FAM216A: variants seen among roughly 807,000 people sequenced by gnomAD.
The protein encoded by FAM216A is protein FAM216A.
FAM216A carries 26 observed loss-of-function variants against 37.6 expected under a neutral mutation model. The ratio of observed to expected loss-of-function variants is 0.69; its 90% CI spans 0.51 to 0.96. The LOEUF is 0.96. Among genes scored for constraint, FAM216A ranks in the 40% least tolerant of loss-of-function variants. FAM216A has a pLI of 0.00. For missense variants in FAM216A, 326 were observed against 339.3 expected (o/e 0.96, Z 0.31); for synonymous variants, 110 against 121.7 (o/e 0.90, Z 0.64).
In FAM216A at chr12:110,468,848, C is replaced by A; in HGVS notation, c.-28C>A. ...GCCGCCTCTCCGGAATACCAGCAGC[C>A]TGACGCACGCGTGCTGTCGGGGGAG... On this transcript the variant is annotated 5_prime_UTR_variant, in exon 1 of 7. The change creates a new upstream start codon in the 5' untranslated region. Coordinates refer to ENST00000377673, the MANE Select transcript of FAM216A (RefSeq NM_013300.3). 1.3e-6 allele frequency: 2 copies of A among 1,481,480 alleles called. No homozygotes were observed. Among genetic ancestry groups the A allele is most frequent in the Non-Finnish European group, 1.8e-6 (2 of 1,114,782 alleles). 91.8% of individuals were successfully genotyped at this position (1,481,480 alleles called of 1,614,324 possible).
chr12:110,479,353 T>G (rs1048759875), intron 2 of FAM216A, among the ~76,000 whole-genome samples: 2 of 152,018 alleles, frequency 1.3e-5, no homozygotes, highest in Non-Finnish European at 2.9e-5. Flanking sequence ...ATTTCAATAT[T>G]TCTACTAACT....
At chr12:110,469,075 C>G (rs7963504) in intron 1 of FAM216A, 57 bp downstream of exon 1, 69 of 1,372,210 alleles carry the variant, frequency 5.0e-5, no homozygotes, top group Admixed American at 6.8e-5. Context: ...GGTCGTGAGG[C>G]CCCCGGGTCG....
upstream of FAM216A, chr12:110,468,566 C>T (rs1217722335): frequency 6.5e-7 from 1 of 1,537,272 alleles, no homozygotes; most frequent in Non-Finnish European, 8.7e-7. Flanking sequence ...GTATGGTGAC[C>T]CTCGCGATTT....
Position 110,485,188 on chromosome 12 carries a change from T to C in FAM216A, c.295T>C (p.Ser99Pro). ...CCTCTCTAAATCAATGATGGAGGCG[T>C]CCTTTTTCAAGGTATGCTAACAGGG... ...IHLSKSMMEA[S>P]FFKHPDLTTG... The change falls in exon 3 of 7, where the codon TCC (serine) becomes CCC (proline). Residue 99 changes from serine to proline, a missense_variant. Physicochemically the swap from Ser to Pro is moderately conservative, Grantham distance 74. Transcript: ENST00000377673. 6.2e-7 allele frequency: 1 copy of C among 1,608,054 alleles called. No individual in the cohort carries two copies. The highest frequency in any genetic ancestry group is 2.2e-5 in the East Asian group (1 of 44,760).
intron 2 of FAM216A, among the ~76,000 whole-genome samples, chr12:110,477,919 A>G (rs1592977883): frequency 2.0e-5 from 3 of 149,254 alleles, no homozygotes; most frequent in East Asian, 2.0e-4. Flanking sequence ...ATGTTAGCCA[A>G]GATGGTCTCA....
chr12:110,469,074 G>A, intron 1 of FAM216A, 56 bp downstream of exon 1: 1 of 1,378,458 alleles, frequency 7.3e-7, no homozygotes, highest in Non-Finnish European at 9.3e-7. Flanking sequence ...GGGTCGTGAG[G>A]CCCCCGGGTC....
At chr12:110,469,159 G>A (rs2062662653) in intron 1 of FAM216A, 141 bp downstream of exon 1, 1 of 1,026,954 alleles carries the variant, frequency 9.7e-7, no homozygotes, top group Non-Finnish European at 1.3e-6. Context: ...AGTGAGAGGC[G>A]GGGAGCAGTT....
rs779196322 is a variant in FAM216A at position 110,490,141 on chromosome 12, T to C, written c.*4T>C. ...AGAACATCTGATGTTAACTTGACAG[T>C]CTTGTCTCGTGTATTGAATTCGTGC... On this transcript the variant is annotated 3_prime_UTR_variant, in exon 7 of 7. Transcript: ENST00000377673. The C allele has an allele frequency of 1.4e-6, 2 of 1,391,998 alleles. No individual in the cohort carries two copies. Among genetic ancestry groups the C allele is most frequent in the East Asian group, 2.3e-5 (1 of 43,928 alleles). The allele number at this position is 1,391,998 out of a possible 1,614,324, so 86.2% of individuals were successfully genotyped here. A position where few individuals can be genotyped will look rare whatever the true frequency, so the allele number is the denominator to read the frequency against.
chr12:110,489,731 G>A (rs2062800974), intron 6 of FAM216A, among the ~76,000 whole-genome samples: 1 of 152,176 alleles, frequency 6.6e-6, no homozygotes, highest in South Asian at 2.1e-4. Flanking sequence ...AGATTCTGAA[G>A]ATGTAACTGA....
intron 2 of FAM216A, among the ~76,000 whole-genome samples, chr12:110,480,418 T>C (rs949699762): frequency 5.3e-5 from 8 of 151,936 alleles, no homozygotes; most frequent in African/African-American, 1.9e-4. Context: ...TTAGCCAGGA[T>C]GGTCTCGATC....
intron 2 of FAM216A, among the ~76,000 whole-genome samples, chr12:110,484,446 A>C (rs867196994): frequency 8.1e-5 from 12 of 148,608 alleles, no homozygotes; most frequent in African/African-American, 1.5e-4. Flanking sequence ...AAAAAAAAAA[A>C]AAAAAAAAAC....
chr12:110,484,830 G>A (rs2062767550), intron 2 of FAM216A, among the ~76,000 whole-genome samples: 1 of 151,232 alleles, frequency 6.6e-6, no homozygotes, highest in African/African-American at 2.4e-5. Flanking sequence ...CTGGCTCACT[G>A]CAAGCTCCGC....
At chr12:110,482,370 AC>A (rs2062752030) in intron 2 of FAM216A, among the ~76,000 whole-genome samples, 2 of 151,816 alleles carry the variant, frequency 1.3e-5, no homozygotes, top group Non-Finnish European at 2.9e-5. Flanking sequence ...GGGCCACCAC[AC>A]CCGGACGCAA....
chr12:110,488,230 C>T (rs1410948147), intron 6 of FAM216A, among the ~76,000 whole-genome samples: 1 of 151,672 alleles, frequency 6.6e-6, no homozygotes, highest in Non-Finnish European at 1.5e-5. Flanking sequence ...GCCAACATGG[C>T]GAAACTCCCA....
rs188113631 is a variant in FAM216A at position 110,478,832 on chromosome 12, C to A, written c.184+5714C>A. Reference sequence around the variant, plus strand: ...TCAATACGTGAGTGTTGTTTTAAGCCGCTAAAGTTGTGTTGTTATGGCAGC... The same window carrying A: ...TCAATACGTGAGTGTTGTTTTAAGCAGCTAAAGTTGTGTTGTTATGGCAGC... On this transcript the variant is annotated intron_variant, in intron 2 of 6. Transcript: ENST00000377673. 4.8e-4 allele frequency among the ~76,000 whole-genome samples: 73 copies of A among 152,078 alleles called. No homozygotes were observed. In the East Asian group the frequency reaches 0.011, roughly 23 times the overall value.
intron 2 of FAM216A, among the ~76,000 whole-genome samples, chr12:110,474,814 C>CA (rs2062706374): frequency 6.6e-6 from 1 of 150,988 alleles, no homozygotes; most frequent in African/African-American, 2.4e-5. Flanking sequence ...CTAGCCTGAC[C>CA]AACATAGAGA....
intron 5 of FAM216A, 148 bp from the exon 6 acceptor site, chr12:110,487,713 G>T: frequency 1.5e-6 from 1 of 649,220 alleles, no homozygotes; most frequent in Non-Finnish European, 2.8e-6. Flanking sequence ...TACATGTCAG[G>T]GTTAAGAAAT....
intron 1 of FAM216A, among the ~76,000 whole-genome samples, chr12:110,470,775 G>A (rs1010874564): frequency 6.6e-6 from 1 of 151,696 alleles, no homozygotes; most frequent in Non-Finnish European, 1.5e-5. Context: ...TCCGCCTGTC[G>A]TTCATCTCCA....
intron 1 of FAM216A, among the ~76,000 whole-genome samples, chr12:110,470,212 C>T (rs1185004410): frequency 6.6e-6 from 1 of 151,744 alleles, no homozygotes; most frequent in Non-Finnish European, 1.5e-5. Flanking sequence ...CATTCTCCTC[C>T]CTCAGCCTCT....
Sources: allele counts gnomAD v4.1 joint callset (sites outside exome capture counted in the v4.1 genomes callset), GRCh38; gene constraint gnomAD v4.1.1; transcripts MANE v1.5; gene names NCBI Gene and HGNC (gene_info 2026-07-23, HGNC 2026-07-21).